The following FAM47E variants were observed in gnomAD, a reference collection of about 807,000 sequenced individuals.
The protein encoded by FAM47E is protein FAM47E.
A neutral mutation model predicts 41.6 loss-of-function variants in FAM47E; 32 were observed. The ratio of observed to expected loss-of-function variants is 0.77; its 90% CI spans 0.58 to 1.03. FAM47E has a LOEUF of 1.03. Among genes scored for constraint, FAM47E ranks in the 50% least tolerant of loss-of-function variants. FAM47E has a pLI of 0.00. For missense variants in FAM47E, 424 were observed against 485.4 expected, an observed-to-expected ratio of 0.87 and a Z score of 1.19; for synonymous variants, 184 against 188.7, an observed-to-expected ratio of 0.98 and a Z score of 0.20.
At chr4:76,259,911 AC>A (rs1304325860) in intron 2 of FAM47E, among the ~76,000 whole-genome samples, 2 of 152,224 alleles carry the variant, frequency 1.3e-5, no homozygotes, top group African/African-American at 4.8e-5. Flanking sequence ...GTGTCTCTAT[AC>A]ATTATCAATG....
At chr4:76,226,833 A>T (rs1733406751) in intron 2 of FAM47E, among the ~76,000 whole-genome samples, 1 of 152,214 alleles carries the variant, frequency 6.6e-6, no homozygotes, top group Non-Finnish European at 1.5e-5. Context: ...TAGTGACCTT[A>T]AATGATCTTT....
intron 2 of FAM47E, among the ~76,000 whole-genome samples, chr4:76,219,671 T>G (rs1300089200): frequency 6.6e-6 from 1 of 152,034 alleles, no homozygotes; most frequent in Non-Finnish European, 1.5e-5. Context: ...AGAGGCAGAC[T>G]TTGTCAGCCT....
chr4:76,259,214 G>T (rs770749975), intron 2 of FAM47E, among the ~76,000 whole-genome samples: 1 of 152,144 alleles, frequency 6.6e-6, no homozygotes, highest in Non-Finnish European at 1.5e-5. Flanking sequence ...ATGTGACACC[G>T]TTTGTCAGAG....
chr4:76,251,946 C>T, intron 1 of FAM47E, 126 bp downstream of exon 1: 9 of 1,216,080 alleles, frequency 7.4e-6, no homozygotes, highest in Non-Finnish European at 8.5e-6. Context: ...CTCAATGCTT[C>T]CTGTACGTAC....
At chr4:76,281,591 T>C (rs1428533901) in intron 7 of FAM47E, 1 of 152,180 alleles carries the variant, frequency 6.6e-6, no homozygotes, top group Non-Finnish European at 1.5e-5. Context: ...TGTGTGTATA[T>C]ATAAATCCTT....
At chr4:76,244,879 T>C (rs1205017903) in intron 2 of FAM47E, among the ~76,000 whole-genome samples, 1 of 152,220 alleles carries the variant, frequency 6.6e-6, no homozygotes, top group East Asian at 1.9e-4. Flanking sequence ...AGAATTCTTA[T>C]AAGAGGTACA....
At chr4:76,235,016 AATAAAC>A (rs1023139827) in intron 2 of FAM47E, among the ~76,000 whole-genome samples, 1 of 152,160 alleles carries the variant, frequency 6.6e-6, no homozygotes, top group African/African-American at 2.4e-5. Context: ...CCTCCTGAAA[AATAAAC>A]ATAAAAATAA....
chr4:76,246,529 A>G (rs1336309813), intron 2 of FAM47E, among the ~76,000 whole-genome samples: 1 of 151,996 alleles, frequency 6.6e-6, no homozygotes, highest in African/African-American at 2.4e-5. Context: ...AAAATGCTGC[A>G]TTTTTTGCTT....
rs1418223033 is a variant in FAM47E at position 76,251,732 on chromosome 4, G to A, written c.-15G>A. On this transcript the variant is annotated 5_prime_UTR_variant, in exon 1 of 8. Transcript: ENST00000424749. ...CCGCCCAAGCCCGGACGGTGGCCGC[G>A]AAGCTAGGGCCACCATGGCGGACCG... 2.0e-6 allele frequency: 3 copies of A among 1,474,020 alleles called. No homozygotes were observed. The South Asian group carries it at 3.9e-5, about 19-fold the overall frequency. The allele number at this position is 1,474,020 out of a possible 1,614,324, so 91.3% of individuals were successfully genotyped here.
intron 2 of FAM47E, among the ~76,000 whole-genome samples, chr4:76,231,877 C>T (rs1733499572): frequency 6.6e-6 from 1 of 152,192 alleles, no homozygotes; most frequent in South Asian, 2.1e-4. Context: ...GGCCAGTTTC[C>T]CCACTGGGAT....
chr4:76,218,280 G>A (rs928234121), intron 2 of FAM47E, among the ~76,000 whole-genome samples: 1 of 152,152 alleles, frequency 6.6e-6, no homozygotes, highest in Admixed American at 6.5e-5. Flanking sequence ...TGTTTGTGGG[G>A]CATCCTAAAT....
At chr4:76,273,746 T>C (rs1734987372) in intron 5 of FAM47E, among the ~76,000 whole-genome samples, 1 of 152,102 alleles carries the variant, frequency 6.6e-6, no homozygotes, top group Non-Finnish European at 1.5e-5. Context: ...GAACTCTAAT[T>C]AACTGTAATT....
At chr4:76,219,571 C>G (rs1194054354) in intron 2 of FAM47E, among the ~76,000 whole-genome samples, 1 of 151,996 alleles carries the variant, frequency 6.6e-6, no homozygotes, top group Non-Finnish European at 1.5e-5. Context: ...TGGGGAGAAG[C>G]TGTATAAACG....
chr4:76,243,739 A>T (rs1241153613), intron 2 of FAM47E, among the ~76,000 whole-genome samples: 3 of 151,960 alleles, frequency 2.0e-5, no homozygotes, highest in African/African-American at 4.8e-5. Context: ...TTAAAGTTGT[A>T]TGTCTTTTTA....
intron 4 of FAM47E, among the ~76,000 whole-genome samples, chr4:76,271,099 G>A (rs1734867381): frequency 1.3e-5 from 2 of 152,140 alleles, no homozygotes; most frequent in Admixed American, 1.3e-4. Flanking sequence ...CTCTTAATGT[G>A]CCCATCTCTA....
At chr4:76,225,212 A>G (rs1262086537) in intron 2 of FAM47E, among the ~76,000 whole-genome samples, 3 of 152,110 alleles carry the variant, frequency 2.0e-5, no homozygotes, top group African/African-American at 4.8e-5. Context: ...AGCTGGTTCC[A>G]TATTTTTCCA....
rs1453164241 is a variant in FAM47E, at chr4:76,230,660, G to A, written c.81+12972G>A. Among the ~76,000 whole-genome samples the A allele has an allele frequency of 3.3e-5, 5 of 152,160 alleles. No homozygotes were observed. The South Asian group carries it at 1.0e-3, about 31-fold the overall frequency. On this transcript the variant is annotated intron_variant, in intron 2 of 7. Coordinates refer to the FAM47E transcript ENST00000510197. Reference sequence around the variant, plus strand: ...TGGGGTATGTGAGAGAGAGAGGAAAGAGCGTCCTCTTTCCCTCTTCTGTCC... The same window carrying A: ...TGGGGTATGTGAGAGAGAGAGGAAAAAGCGTCCTCTTTCCCTCTTCTGTCC...
intron 6 of FAM47E, chr4:76,279,157 C>T (rs1735249203): frequency 6.6e-6 from 1 of 152,002 alleles, no homozygotes; most frequent in South Asian, 2.1e-4. Context: ...TTATATAAGT[C>T]TCAAAATTAT....
intron 2 of FAM47E, among the ~76,000 whole-genome samples, chr4:76,260,820 A>G (rs1734379535): frequency 6.6e-6 from 1 of 152,224 alleles, no homozygotes; most frequent in South Asian, 2.1e-4. Flanking sequence ...TACATGTGAC[A>G]AAGGACTAAT....
Sources: gnomAD v4.1 joint callset for allele counts (sites outside exome capture counted in the v4.1 genomes callset) on GRCh38, gnomAD v4.1.1 for gene constraint, MANE v1.5 for transcripts, NCBI Gene and HGNC (gene_info 2026-07-23, HGNC 2026-07-21) for gene names.